The following LINS1 variants were observed in gnomAD, a reference collection of about 807,000 sequenced individuals.
The protein encoded by LINS1 is lines homolog 1, also known as protein Lines homolog 1.
Under a neutral mutation model 41.6 loss-of-function variants are expected in LINS1, and 27 were observed. The observed-to-expected ratio is 0.65, with a 90% CI of 0.48 to 0.89. LINS1 has a LOEUF of 0.89. LINS1 is among the 40% of genes least tolerant of loss of function. LINS1 has a pLI of 0.00. For missense variants in LINS1, 955 were observed against 884.1 expected, an observed-to-expected ratio of 1.08 and a Z score of -1.02; for synonymous variants, 336 against 312.9, an observed-to-expected ratio of 1.07 and a Z score of -0.78.
intron 1 of LINS1, among the ~76,000 whole-genome samples, chr15:100,596,106 G>A (rs1217580893): frequency 6.6e-6 from 1 of 152,204 alleles, no homozygotes; most frequent in East Asian, 1.9e-4. Flanking sequence ...GGGGCGGAAG[G>A]CAGGCTGGAC....
rs923547917 is a variant in LINS1, at chr15:100,588,424, T to C, written c.-103-7479A>G. 6.6e-5 allele frequency among the ~76,000 whole-genome samples: 10 copies of C among 152,374 alleles called. 1 individual carries two copies. In the East Asian group the frequency reaches 1.9e-3, roughly 29 times the overall value. On this transcript the variant is annotated intron_variant, in intron 1 of 6. Transcript: ENST00000314742. The stretch of plus-strand genomic sequence containing the variant: ...TAATTAACTGGTTAATAATAAGAGC[T>C]TAAATCAAATATTTTGTCAGAAAAG...
chr15:100,572,167 A>G (rs1170904359), intron 5 of LINS1, 102 bp from the exon 6 acceptor site: 2 of 1,540,666 alleles, frequency 1.3e-6, no homozygotes, highest in South Asian at 2.4e-5. Flanking sequence ...TTAAGATGCA[A>G]TTATCCTAAT....
chr15:100,597,989 C>T (rs879519109), intron 1 of LINS1, among the ~76,000 whole-genome samples: 3 of 152,224 alleles, frequency 2.0e-5, no homozygotes, highest in Admixed American at 2.0e-4. Context: ...TATTTATTAA[C>T]CTTGAAAGGT....
At chr15:100,592,551 C>G (rs1250962466) in intron 1 of LINS1, among the ~76,000 whole-genome samples, 1 of 151,554 alleles carries the variant, frequency 6.6e-6, no homozygotes, top group South Asian at 2.1e-4. Context: ...AAAATCACCT[C>G]ATTAACATAA....
intron 1 of LINS1, among the ~76,000 whole-genome samples, chr15:100,593,809 T>C (rs2039137380): frequency 6.6e-6 from 1 of 152,214 alleles, no homozygotes; most frequent in Non-Finnish European, 1.5e-5. Flanking sequence ...GTTCACACTG[T>C]AAAACAATAG....
intron 1 of LINS1, among the ~76,000 whole-genome samples, chr15:100,593,341 T>C (rs1351949639): frequency 6.6e-6 from 1 of 152,188 alleles, no homozygotes; most frequent in Non-Finnish European, 1.5e-5. Context: ...CCATATTAAG[T>C]ATAAAATCTA....
rs761490068 is a variant in LINS1 at position 100,571,935 on chromosome 15, C to G, written c.1353G>C (p.Glu451Asp). The stretch of plus-strand genomic sequence containing the variant: ...AGATGCCCAGTGATGCCTTGGCAGC[C>G]TCCAGCATGTCATCGTCTTGTTCTA... ...VFIEQDDDML[E>D]AAKASLGIYL... Residue 451 changes from glutamate (E) to aspartate (D), a missense_variant, in exon 6 of 7, where the codon GAG becomes GAC. Physicochemically the swap from Glu to Asp is conservative, Grantham distance 45. Coordinates refer to ENST00000314742, the MANE Select transcript of LINS1 (RefSeq NM_001040616.3). 10 of 1,614,064 alleles carry G rather than the reference C, an allele frequency of 6.2e-6. No individual in the cohort carries two copies. The highest frequency in any genetic ancestry group is 7.6e-6 in the Non-Finnish European group (9 of 1,180,046).
In LINS1 at chr15:100,571,998, T is replaced by C. The variant is rs780691885; in HGVS notation, c.1290A>G (p.Gln430=). ...ACAGCCATTTGCACGGATTGTGTAA[T>C]TGCAGAGAGGGCTGAAGATGAGGCT... ...FLKPHLQPSL[Q]LHNPCKWLSR... Residue 430 remains glutamine (Q), a synonymous_variant, in exon 6 of 7, where the codon CAA becomes CAG. Transcript: ENST00000314742. 9.3e-6 allele frequency: 15 copies of C among 1,614,098 alleles called. No homozygotes were observed. The highest frequency in any genetic ancestry group is 2.2e-5 in the South Asian group (2 of 91,092).
intron 3 of LINS1, among the ~76,000 whole-genome samples, chr15:100,578,781 T>TC (rs1472713419): frequency 2.0e-5 from 3 of 152,108 alleles, no homozygotes; most frequent in Non-Finnish European, 4.4e-5. Context: ...AACCCAAATG[T>TC]CCAACAATGA....
At chr15:100,598,179 T>C (rs562309581) in intron 1 of LINS1, among the ~76,000 whole-genome samples, 1 of 152,352 alleles carries the variant, frequency 6.6e-6, no homozygotes, top group African/African-American at 2.4e-5. Flanking sequence ...TGTGCAATGA[T>C]TTTTATGATT....
intron 1 of LINS1, among the ~76,000 whole-genome samples, chr15:100,597,999 T>C (rs1217747694): frequency 1.3e-5 from 2 of 152,214 alleles, no homozygotes; most frequent in Non-Finnish European, 2.9e-5. Flanking sequence ...CCTTGAAAGG[T>C]TCCTTCCAGC....
At chr15:100,591,567 G>A (rs1478624973) in intron 1 of LINS1, among the ~76,000 whole-genome samples, 4 of 152,166 alleles carry the variant, frequency 2.6e-5, no homozygotes, top group African/African-American at 4.8e-5. Flanking sequence ...GCATTAAGAC[G>A]TTAAGGAAAC....
intron 3 of LINS1, among the ~76,000 whole-genome samples, chr15:100,575,617 A>G (rs2038125381): frequency 6.6e-6 from 1 of 152,216 alleles, no homozygotes; most frequent in African/African-American, 2.4e-5. Context: ...CAGAACAACG[A>G]GACAGAAAGT....
At chr15:100,598,119 G>C (rs920262850) in intron 1 of LINS1, among the ~76,000 whole-genome samples, 1 of 152,136 alleles carries the variant, frequency 6.6e-6, no homozygotes, top group African/African-American at 2.4e-5. Flanking sequence ...CTGTCTTCCA[G>C]CTCTGGTGCC....
intron 6 of LINS1, 41 bp from the exon 7 acceptor site, chr15:100,570,158 AC>A (rs750336228): frequency 1.5e-5 from 22 of 1,448,824 alleles, no homozygotes; most frequent in Non-Finnish European, 2.1e-5. Context: ...TAATGACCTT[AC>A]AAAAATAAAC....
chr15:100,586,032 G>C (rs1302941619), intron 1 of LINS1, among the ~76,000 whole-genome samples: 4 of 152,174 alleles, frequency 2.6e-5, no homozygotes, highest in African/African-American at 9.7e-5. Context: ...TCTGTGAAAG[G>C]AAAATATCTT....
chr15:100,593,884 C>T (rs1005586562), intron 1 of LINS1, among the ~76,000 whole-genome samples: 1 of 152,148 alleles, frequency 6.6e-6, no homozygotes, highest in African/African-American at 2.4e-5. Flanking sequence ...ATGCAATTTC[C>T]CAATATAAAC....
intron 4 of LINS1, among the ~76,000 whole-genome samples, chr15:100,574,665 GCCAT>G (rs2038051580): frequency 6.6e-6 from 1 of 152,178 alleles, no homozygotes; most frequent in Non-Finnish European, 1.5e-5. Context: ...CCAAGATCAT[GCCAT>G]TGCACTCCAG....
rs2037975065 is a variant in LINS1, at chr15:100,573,647, T to C, written c.1222+4A>G. ...CTGCATACAAAAGGAGTTTGGAGAA[T>C]TACCTTTCACTTCACTTGCTGAAGA... On this transcript the variant is annotated splice_donor_region_variant and intron_variant, in intron 5 of 6. Coordinates refer to ENST00000314742, the MANE Select transcript of LINS1 (RefSeq NM_001040616.3). The C allele has an allele frequency of 1.9e-6, 3 of 1,538,464 alleles. No homozygotes were observed. The highest frequency in any genetic ancestry group is 4.5e-5 in the East Asian group (2 of 44,576).
Sources: allele counts gnomAD v4.1 joint callset (sites outside exome capture counted in the v4.1 genomes callset), GRCh38; gene constraint gnomAD v4.1.1; transcripts MANE v1.5; gene names NCBI Gene and HGNC (gene_info 2026-07-23, HGNC 2026-07-21).